FBRSL1: variants seen among roughly 807,000 people sequenced by gnomAD.
FBRSL1 encodes fibrosin like 1, also known as fibrosin-1-like protein.
FBRSL1 carries 51 observed loss-of-function variants against 89.6 expected under a neutral mutation model. The observed-to-expected ratio is 0.57, with a 90% CI of 0.45 to 0.72. The LOEUF is 0.72. Among genes scored for constraint, FBRSL1 ranks in the 30% least tolerant of loss-of-function variants. FBRSL1 has a pLI of 0.00. For missense variants in FBRSL1, 1,618 were observed against 1,451.8 expected, an observed-to-expected ratio of 1.11 and a Z score of -1.86; for synonymous variants, 779 against 681.1, an observed-to-expected ratio of 1.14 and a Z score of -2.24.
chr12:132,517,245 CA>C (rs2034924295), intron 2 of FBRSL1, among the ~76,000 whole-genome samples: 1 of 152,302 alleles, frequency 6.6e-6, no homozygotes, highest in African/African-American at 2.4e-5. Context: ...AGAGTTGGTC[CA>C]GGGGAAGGGG....
intron 4 of FBRSL1, among the ~76,000 whole-genome samples, chr12:132,531,813 G>A (rs1218047287): frequency 6.6e-6 from 1 of 152,244 alleles, no homozygotes; most frequent in Admixed American, 6.5e-5. Flanking sequence ...GAGTGGCACA[G>A]GCATTCATCA....
chr12:132,547,608 G>A (rs1468327818), intron 4 of FBRSL1, among the ~76,000 whole-genome samples: 1 of 152,202 alleles, frequency 6.6e-6, no homozygotes, highest in Non-Finnish European at 1.5e-5. Flanking sequence ...GGGCTGTCCT[G>A]GGCCGGAGGC....
At chr12:132,496,618 C>T (rs1016939078) in intron 1 of FBRSL1, among the ~76,000 whole-genome samples, 1 of 152,246 alleles carries the variant, frequency 6.6e-6, no homozygotes. Context: ...ATGGCTGTGA[C>T]GTTGCTGCTT....
At chr12:132,516,462 C>T (rs920952659) in intron 2 of FBRSL1, among the ~76,000 whole-genome samples, 2 of 152,170 alleles carry the variant, frequency 1.3e-5, no homozygotes, top group South Asian at 2.1e-4. Context: ...TGGGAACAGG[C>T]GTGAACCACC....
chr12:132,499,273 G>C lies in FBRSL1; in HGVS notation c.291+8412G>C, dbSNP rs1313609829. Among the ~76,000 whole-genome samples, 1 of 151,910 alleles carries C rather than the reference G, an allele frequency of 6.6e-6. No individual in the cohort carries two copies. ...GGTGCTGGACCTCTGGGAGAGGCCAGGTGAGCCGCTGGCCAGCAGGGAAGG... is the reference window on the plus strand; with the variant it reads ...GGTGCTGGACCTCTGGGAGAGGCCACGTGAGCCGCTGGCCAGCAGGGAAGG... On this transcript the variant is annotated intron_variant, in intron 1 of 18. Transcript: ENST00000680143. The surrounding 1 kb of genome is among the most constrained non-coding windows in gnomAD (Gnocchi z 4.3).
At chr12:132,567,636 C>A in intron 6 of FBRSL1, 110 bp downstream of exon 6, 1 of 1,169,134 alleles carries the variant, frequency 8.6e-7, no homozygotes, top group South Asian at 1.4e-5. Flanking sequence ...GGTCTTGGCA[C>A]CTGGGGTGCA....
chr12:132,491,728 C>T (rs1327740649), intron 1 of FBRSL1, among the ~76,000 whole-genome samples: 3 of 152,266 alleles, frequency 2.0e-5, no homozygotes, highest in Admixed American at 6.5e-5. Flanking sequence ...GGGGAGATGC[C>T]TACTGCAGGC....
intron 5 of FBRSL1, chr12:132,565,610 C>T (rs1220032668): frequency 2.6e-5 from 4 of 152,038 alleles, no homozygotes; most frequent in Non-Finnish European, 4.4e-5. Flanking sequence ...CCTGTGTGTA[C>T]GTACTTGAGT....
At chr12:132,533,457 G>A (rs1057075711) in intron 4 of FBRSL1, among the ~76,000 whole-genome samples, 17 of 149,648 alleles carry the variant, frequency 1.1e-4, no homozygotes, top group Non-Finnish European at 2.4e-4. Context: ...GTCTCCTCCC[G>A]ACCCAGCCTC....
At chr12:132,511,283 G>A in intron 2 of FBRSL1, 2 of 985,608 alleles carry the variant, frequency 2.0e-6, no homozygotes, top group Non-Finnish European at 2.4e-6. Context: ...CCCACAGGGT[G>A]GGCAGCGCCT....
chr12:132,496,892 G>A (rs371011987), intron 1 of FBRSL1, among the ~76,000 whole-genome samples: 1 of 141,354 alleles, frequency 7.1e-6, no homozygotes, highest in East Asian at 2.4e-4. Context: ...TCGGGTAGGG[G>A]TGGCCCTGCT....
chr12:132,564,389 G>C (rs543069748), intron 5 of FBRSL1, among the ~76,000 whole-genome samples: 2 of 152,306 alleles, frequency 1.3e-5, no homozygotes, highest in Admixed American at 1.3e-4. Flanking sequence ...GATAGGAAAC[G>C]TGTGCTGTGG....
intron 5 of FBRSL1, among the ~76,000 whole-genome samples, chr12:132,564,223 C>A (rs2039398437): frequency 6.6e-6 from 1 of 152,204 alleles, no homozygotes; most frequent in Non-Finnish European, 1.5e-5. Context: ...CAGCCCCACA[C>A]CAGGCCCCGG....
At chr12:132,556,188 T>C (rs2038618977) in intron 5 of FBRSL1, among the ~76,000 whole-genome samples, 1 of 152,160 alleles carries the variant, frequency 6.6e-6, no homozygotes, top group Admixed American at 6.5e-5. Flanking sequence ...TCTCCCGACA[T>C]TCCGGGTGGA....
chr12:132,568,749 G>A (rs1272022458), intron 6 of FBRSL1, among the ~76,000 whole-genome samples: 1 of 152,156 alleles, frequency 6.6e-6, no homozygotes, highest in Non-Finnish European at 1.5e-5. Context: ...TGGGAAAGCC[G>A]GTGGAGATAG....
chr12:132,495,585 G>C (rs561502621), intron 1 of FBRSL1, among the ~76,000 whole-genome samples: 245 of 152,358 alleles, frequency 1.6e-3, no homozygotes, highest in African/African-American at 5.7e-3. Flanking sequence ...GGCACAGAGA[G>C]GGGAAGTGCT....
In FBRSL1 at chr12:132,564,558, C is replaced by T. The variant is rs1357405724; in HGVS notation, c.646-2923C>T. ...TCGCCCAGGCTGGAGTCCAGTGGTA[C>T]GATCTCAGCTCACTGCAAGCTCCGC... On this transcript the variant is annotated intron_variant, in intron 5 of 18. Transcript: ENST00000680143. 4.7e-5 allele frequency among the ~76,000 whole-genome samples: 5 copies of T among 107,086 alleles called. No individual in the cohort carries two copies. In the South Asian group the frequency reaches 1.2e-3, roughly 25 times the overall value. 70.3% of individuals were successfully genotyped at this position (107,086 alleles called of 152,430 possible).
intron 2 of FBRSL1, among the ~76,000 whole-genome samples, chr12:132,524,623 A>G (rs1018787969): frequency 1.3e-5 from 2 of 152,152 alleles, no homozygotes; most frequent in African/African-American, 4.8e-5. Flanking sequence ...GAACCTCACC[A>G]GGGGCCCTGG....
intron 4 of FBRSL1, among the ~76,000 whole-genome samples, chr12:132,531,421 G>A (rs568382469): frequency 9.9e-5 from 15 of 152,040 alleles, no homozygotes; most frequent in South Asian, 2.1e-4. Context: ...GTGCATGTGC[G>A]TGTGGGCAGG....
Sources: gnomAD v4.1 joint callset for allele counts (sites outside exome capture counted in the v4.1 genomes callset) on GRCh38, gnomAD v4.1.1 for gene constraint, Gnocchi (gnomAD v3.1) non-coding constraint, MANE v1.5 for transcripts, NCBI Gene and HGNC (gene_info 2026-07-23, HGNC 2026-07-21) for gene names.